The following ABCB5 variants were observed in gnomAD, a reference collection of about 807,000 sequenced individuals.
ABCB5 encodes ATP binding cassette subfamily B member 5.
ABCB5 carries 155 observed loss-of-function variants against 144.2 expected under a neutral mutation model. The ratio of observed to expected loss-of-function variants is 1.08; its 90% CI spans 0.94 to 1.23. The LOEUF (loss-of-function observed/expected upper bound fraction) is 1.23. Among genes scored for constraint, ABCB5 ranks in the 50% most tolerant of loss-of-function variants. ABCB5 has a pLI of 0.00. For missense variants in ABCB5, 1,830 were observed against 1,520.8 expected, an observed-to-expected ratio of 1.20 and a Z score of -3.38; for synonymous variants, 610 against 528.6, an observed-to-expected ratio of 1.15 and a Z score of -2.11.
At chr7:20,711,826 T>G (rs1361679155) in intron 20 of ABCB5, among the ~76,000 whole-genome samples, 2 of 55,060 alleles carry the variant, frequency 3.6e-5, no homozygotes. Context: ...CTTTCTTTCT[T>G]TCTTTCTTTC....
At position 20,704,075 on chromosome 7, in the gene ABCB5, C is replaced by CTTTTTTTT. The variant is rs71020669; in HGVS notation, c.2338-640_2338-633dup. 7.0e-3 allele frequency among the ~76,000 whole-genome samples: 563 copies of CTTTTTTTT among 80,680 alleles called. 62 individuals are homozygous for CTTTTTTTT. The highest frequency in any genetic ancestry group is 0.012 in the African/African-American group (234 of 19,982). The allele number at this position is 80,680 out of a possible 152,430, so 52.9% of individuals were successfully genotyped here. ...CTAAATTGTGTTGTTTATTGCCTTC[C>CTTTTTTTT]TTTTTTTTTTTTTTTTGTGAGACAG... On this transcript the variant is annotated intron_variant, in intron 19 of 27. Coordinates refer to ENST00000404938, the MANE Select transcript of ABCB5 (RefSeq NM_001163941.2).
intron 1 of ABCB5, among the ~76,000 whole-genome samples, chr7:20,619,593 G>GCAGAGTTTGCACATATTTTCTCT (rs1490441053): frequency 8.5e-5 from 13 of 152,070 alleles, no homozygotes; most frequent in Non-Finnish European, 1.5e-4. Flanking sequence ...TTTGTAGGAT[G>GCAGAGTTTGCACATATTTTCTCT]CAGAGTTTGC....
intron 16 of ABCB5, among the ~76,000 whole-genome samples, chr7:20,692,427 T>G (rs920899793): frequency 2.0e-5 from 3 of 151,694 alleles, no homozygotes; most frequent in Non-Finnish European, 2.9e-5. Flanking sequence ...TTCAGACATT[T>G]TCAGAAATTA....
In ABCB5 at chr7:20,710,307, A is replaced by C. The variant is rs569038157; in HGVS notation, c.2421+5500A>C. On this transcript the variant is annotated intron_variant, in intron 20 of 27. Coordinates refer to ENST00000404938, the MANE Select transcript of ABCB5 (RefSeq NM_001163941.2). ...GTTTGAACCCGGGAGGCAGAGGTTG[A>C]GGTGAGCTGAGATCGTGCCATTGCA... Among the ~76,000 whole-genome samples the C allele has an allele frequency of 1.1e-4, 13 of 123,020 alleles. 1 individual carries two copies. In the East Asian group the frequency reaches 3.6e-3, roughly 34 times the overall value. 80.7% of individuals were successfully genotyped at this position (123,020 alleles called of 152,430 possible).
At chr7:20,638,659 G>A (rs906657601) in intron 5 of ABCB5, among the ~76,000 whole-genome samples, 1 of 152,078 alleles carries the variant, frequency 6.6e-6, no homozygotes, top group Non-Finnish European at 1.5e-5. Context: ...CTGTTTTTGA[G>A]GTTCATCCAT....
At chr7:20,687,409 A>G (rs1786038802) in intron 16 of ABCB5, among the ~76,000 whole-genome samples, 1 of 152,252 alleles carries the variant, frequency 6.6e-6, no homozygotes, top group Non-Finnish European at 1.5e-5. Flanking sequence ...TAAAATGAGA[A>G]AAAACAATAA....
At chr7:20,637,466 G>T (rs894153560) in intron 5 of ABCB5, among the ~76,000 whole-genome samples, 8 of 150,922 alleles carry the variant, frequency 5.3e-5, no homozygotes, top group Non-Finnish European at 7.4e-5. Context: ...TGTTTCCCAG[G>T]CTGGAGTGCA....
At chr7:20,644,655 T>C (rs955323533) in intron 7 of ABCB5, among the ~76,000 whole-genome samples, 1 of 152,244 alleles carries the variant, frequency 6.6e-6, no homozygotes, top group Non-Finnish European at 1.5e-5. Context: ...TACCATTGTA[T>C]ATACTCATCT....
chr7:20,716,976 C>G (rs1423926771), intron 20 of ABCB5, among the ~76,000 whole-genome samples: 1 of 152,196 alleles, frequency 6.6e-6, no homozygotes, highest in Non-Finnish European at 1.5e-5. Context: ...GATGGCCAAA[C>G]ACCTACCGAC....
intron 26 of ABCB5, among the ~76,000 whole-genome samples, chr7:20,751,396 G>A (rs142509926): frequency 0.11 from 16,388 of 152,108 alleles, 1,193 homozygotes; most frequent in East Asian, 0.29. Flanking sequence ...GCGTGAACCC[G>A]GGAAGCGGAG....
At chr7:20,621,489 A>G (rs901538525) in intron 1 of ABCB5, among the ~76,000 whole-genome samples, 5 of 152,178 alleles carry the variant, frequency 3.3e-5, no homozygotes, top group African/African-American at 9.6e-5. Flanking sequence ...CATTCTGAGT[A>G]GTAAGACTAC....
At chr7:20,693,025 T>C (rs986748438) in intron 16 of ABCB5, among the ~76,000 whole-genome samples, 2 of 152,144 alleles carry the variant, frequency 1.3e-5, no homozygotes, top group African/African-American at 4.8e-5. Context: ...AAATTTGACC[T>C]AATAAACATT....
intron 24 of ABCB5, among the ~76,000 whole-genome samples, chr7:20,741,983 A>G (rs2128055120): frequency 6.7e-6 from 1 of 148,730 alleles, no homozygotes; most frequent in East Asian, 2.0e-4. Flanking sequence ...GGTGTAGATG[A>G]GTATTGGTTT....
intron 14 of ABCB5, 32 bp from the exon 15 acceptor site, chr7:20,681,473 T>C: frequency 6.2e-7 from 1 of 1,609,620 alleles, no homozygotes; most frequent in South Asian, 1.1e-5. Context: ...TCTACTAATG[T>C]CTATTTATTT....
At position 20,699,701 on chromosome 7, in the gene ABCB5, T is replaced by C. The variant is rs1378781574; in HGVS notation, c.2155-124T>C. 6.4e-6 allele frequency: 4 copies of C among 626,422 alleles called. No homozygotes were observed. In the South Asian group the frequency reaches 6.5e-5, roughly 10 times the overall value. 38.8% of individuals were successfully genotyped at this position (626,422 alleles called of 1,614,324 possible). A position where few individuals can be genotyped will look rare whatever the true frequency, so the allele number is the denominator to read the frequency against. On this transcript the variant is annotated intron_variant, in intron 17 of 27. Transcript: ENST00000404938. ...CAGCCTGGGCGACAGAGCAAGATTC[T>C]GTCTCATAAAAGAAAAAAAAAAAAG...
chr7:20,648,070 T>C lies in ABCB5; in HGVS notation c.1198T>C (p.Ser400Pro), dbSNP rs1323484485. 1 of 1,582,268 alleles carries C rather than the reference T, an allele frequency of 6.3e-7. No homozygotes were observed. The highest frequency in any genetic ancestry group is 8.7e-7 in the Non-Finnish European group (1 of 1,152,730). The change falls in exon 11 of 28, where the codon TCT becomes CCT. Residue 400 changes from serine (S) to proline (P), a missense_variant. Ser to Pro is a moderately conservative substitution (Grantham distance 74). Coordinates refer to ENST00000404938, the MANE Select transcript of ABCB5 (RefSeq NM_001163941.2). ...TTCTTTCAATTATCCATCAAGACCA[T>C]CTATCAAGGTAGGTTAAAACAAATT... ...NVSFNYPSRP[S>P]IKILKGLNLR...
intron 13 of ABCB5, 111 bp downstream of exon 13, chr7:20,651,734 T>G: frequency 1.7e-6 from 2 of 1,177,786 alleles, no homozygotes; most frequent in Admixed American, 4.1e-5. Flanking sequence ...TGTGATTAAA[T>G]TCTGGATTGT....
At chr7:20,628,936 A>G (rs1583377606) in intron 4 of ABCB5, 98 bp downstream of exon 4, 2 of 1,359,650 alleles carry the variant, frequency 1.5e-6, no homozygotes, top group African/African-American at 2.9e-5. Flanking sequence ...TGTATTGTAA[A>G]ACAGTATCTG....
intron 26 of ABCB5, among the ~76,000 whole-genome samples, chr7:20,746,258 C>T (rs1032201156): frequency 5.3e-5 from 8 of 152,120 alleles, no homozygotes; most frequent in Non-Finnish European, 7.4e-5. Flanking sequence ...CCATCACGCC[C>T]GGCTAATTTT....
Sources: allele counts gnomAD v4.1 joint callset (sites outside exome capture counted in the v4.1 genomes callset), GRCh38; gene constraint gnomAD v4.1.1; transcripts MANE v1.5; gene names NCBI Gene and HGNC (gene_info 2026-07-23, HGNC 2026-07-21).